Variants in TOX2 observed in about 807,000 individuals in gnomAD.
TOX2 encodes the protein TOX high mobility group box family member 2.
A neutral mutation model predicts 47.4 loss-of-function variants in TOX2; 15 were observed. The observed-to-expected ratio is 0.32, with a 90% CI of 0.21 to 0.49. The LOEUF (loss-of-function observed/expected upper bound fraction) is 0.49, where lower values mean the gene tolerates loss of function less well. Ranked by LOEUF, TOX2 falls within the 20% of genes least tolerant of loss-of-function variation. TOX2 has a pLI of 0.99. For missense variants in TOX2, 622 were observed against 673.1 expected (o/e 0.92, Z 0.84); for synonymous variants, 290 against 296.6 (o/e 0.98, Z 0.23).
At chr20:44,005,099 A>G (rs182244783) in intron 2 of TOX2, among the ~76,000 whole-genome samples, 9 of 152,384 alleles carry the variant, frequency 5.9e-5, no homozygotes, top group African/African-American at 1.9e-4. Flanking sequence ...CATTTAAAAA[A>G]TGAAAGAAAA....
chr20:44,023,772 G>C (rs1472247625), intron 3 of TOX2, among the ~76,000 whole-genome samples: 4 of 152,262 alleles, frequency 2.6e-5, no homozygotes, highest in African/African-American at 9.6e-5. Context: ...TTGGTGGCCA[G>C]CACAGTCCAT....
At position 44,064,784 on chromosome 20, in the gene TOX2, A is replaced by G; in HGVS notation, c.887A>G (p.Lys296Arg). ...SLGEEQKQAYKRKTEAAKKEY... is the reference protein window; with the variant it reads ...SLGEEQKQAYRRKTEAAKKEY... ...ATGTGTTGACTCTTCCAGGCCTACAAGAGGAAGACAGAAGCAGCAAAGAAG... is the reference window on the plus strand; with the variant it reads ...ATGTGTTGACTCTTCCAGGCCTACAGGAGGAAGACAGAAGCAGCAAAGAAG... The change falls in exon 6 of 9, where the codon AAG (lysine) becomes AGG (arginine). Residue 296 changes from lysine (K) to arginine (R), a missense_variant. Transcript: ENST00000341197. 6.2e-7 allele frequency: 1 copy of G among 1,614,152 alleles called. No homozygotes were observed. The highest frequency in any genetic ancestry group is 8.5e-7 in the Non-Finnish European group (1 of 1,180,010).
chr20:44,039,043 C>G, intron 3 of TOX2: 1 of 1,250,900 alleles, frequency 8.0e-7, no homozygotes, highest in Non-Finnish European at 1.0e-6. Context: ...TCACTTGGTT[C>G]CCAGACATCT....
chr20:43,932,613 G>A (rs1218568087), intron 1 of TOX2, among the ~76,000 whole-genome samples: 1 of 152,176 alleles, frequency 6.6e-6, no homozygotes, highest in East Asian at 1.9e-4. Context: ...GCAGCCTTTG[G>A]GGCTGGCCCT....
Position 44,068,829 on chromosome 20 carries a change from C to A in TOX2, c.*143C>A. 8.7e-7 allele frequency: 1 copy of A among 1,147,838 alleles called. No homozygotes were observed. The highest frequency in any genetic ancestry group is 1.3e-6 in the Non-Finnish European group (1 of 779,292). 71.1% of individuals were successfully genotyped at this position (1,147,838 alleles called of 1,614,324 possible). A position where few individuals can be genotyped will look rare whatever the true frequency, so the allele number is the denominator to read the frequency against. On this transcript the variant is annotated 3_prime_UTR_variant, in exon 9 of 9. Transcript: ENST00000341197. ...CACACCCATTGCCCGGGGGCTGAGT[C>A]TCTTCCTCAACCTCCCACCAGACTC...
chr20:43,939,902 C>T (rs6017222), intron 1 of TOX2, among the ~76,000 whole-genome samples: 2,651 of 152,262 alleles, frequency 0.017, 88 homozygotes, highest in African/African-American at 0.06. Context: ...GCTGAGTGAC[C>T]ACAGGGATAT....
At chr20:43,959,997 C>T (rs952040991) in intron 1 of TOX2, among the ~76,000 whole-genome samples, 1 of 152,168 alleles carries the variant, frequency 6.6e-6, no homozygotes, top group Non-Finnish European at 1.5e-5. Context: ...TTCATTCCAC[C>T]CCTTCCTAGC....
chr20:44,010,475 C>T (rs1313483266), intron 3 of TOX2, among the ~76,000 whole-genome samples: 1 of 152,176 alleles, frequency 6.6e-6, no homozygotes, highest in African/African-American at 2.4e-5. Context: ...CTCTATTACC[C>T]AGGGGAGGGC....
rs189059096 is a variant in TOX2 at position 43,994,172 on chromosome 20, A to G, written c.166-12375A>G. 4.5e-4 allele frequency among the ~76,000 whole-genome samples: 69 copies of G among 151,938 alleles called. No homozygotes were observed. In the East Asian group the frequency reaches 7.4e-3, roughly 16 times the overall value. On this transcript the variant is annotated intron_variant, in intron 2 of 8. Transcript: ENST00000341197. ...TCTCGAAAAAGAAAATTCAATTAAA[A>G]AAACAAAAACAGTTTGGCACGGTGG...
intron 5 of TOX2, among the ~76,000 whole-genome samples, chr20:44,061,598 G>T (rs905511124): frequency 1.3e-5 from 2 of 151,074 alleles, no homozygotes; most frequent in African/African-American, 4.9e-5. Flanking sequence ...ATTCAACAGA[G>T]TACTGGAATT....
chr20:43,981,898 G>A (rs1311436471), intron 2 of TOX2, among the ~76,000 whole-genome samples: 2 of 151,886 alleles, frequency 1.3e-5, no homozygotes, highest in South Asian at 2.1e-4. Flanking sequence ...GGCCAGGGCC[G>A]AGCTCAATGA....
At chr20:43,993,261 T>C (rs2070404060) in intron 2 of TOX2, among the ~76,000 whole-genome samples, 1 of 152,126 alleles carries the variant, frequency 6.6e-6, no homozygotes, top group South Asian at 2.1e-4. Context: ...GTGTGGAACC[T>C]CTACCCTGGC....
intron 3 of TOX2, among the ~76,000 whole-genome samples, chr20:44,022,979 GGAGA>G (rs982106703): frequency 2.6e-5 from 4 of 151,446 alleles, no homozygotes; most frequent in African/African-American, 9.7e-5. Flanking sequence ...ATATGTAAGA[GGAGA>G]GAGAGAGGGA....
intron 4 of TOX2, among the ~76,000 whole-genome samples, 168 bp from the exon 5 acceptor site, chr20:44,054,131 C>T (rs1437604322): frequency 6.6e-6 from 1 of 152,016 alleles, no homozygotes; most frequent in Non-Finnish European, 1.5e-5. Flanking sequence ...GTTAAACACC[C>T]ACCCAGGGTG....
At chr20:43,974,277 G>A (rs1179037237) in intron 2 of TOX2, among the ~76,000 whole-genome samples, 1 of 152,016 alleles carries the variant, frequency 6.6e-6, no homozygotes, top group Non-Finnish European at 1.5e-5. Context: ...TGATGCAAGG[G>A]TGGGTCCTCA....
chr20:43,934,798 TTGTGTGTGTG>T (rs148972789), intron 1 of TOX2, among the ~76,000 whole-genome samples: 5 of 147,748 alleles, frequency 3.4e-5, no homozygotes, highest in Non-Finnish European at 6.0e-5. Flanking sequence ...GTGTGTGTGT[TTGTGTGTGTG>T]TGTGTGTGTG....
chr20:44,054,807 A>G (rs76910499), intron 5 of TOX2, among the ~76,000 whole-genome samples: 1 of 152,194 alleles, frequency 6.6e-6, no homozygotes, highest in Non-Finnish European at 1.5e-5. Context: ...GAGAACAAGC[A>G]TCTCCATCCA....
At chr20:43,982,003 G>C (rs1419876598) in intron 2 of TOX2, among the ~76,000 whole-genome samples, 1 of 151,952 alleles carries the variant, frequency 6.6e-6, no homozygotes, top group Non-Finnish European at 1.5e-5. Context: ...TCAGGAGAGA[G>C]GGTGAAGCTC....
At chr20:43,992,768 C>T (rs1600716389) in intron 2 of TOX2, among the ~76,000 whole-genome samples, 2 of 139,186 alleles carry the variant, frequency 1.4e-5, no homozygotes, top group South Asian at 2.2e-4. Context: ...ATGTAACATG[C>T]AAACACATAG....
Sources: gnomAD v4.1 joint callset for allele counts (sites outside exome capture counted in the v4.1 genomes callset) on GRCh38, gnomAD v4.1.1 for gene constraint, MANE v1.5 for transcripts, NCBI Gene and HGNC (gene_info 2026-07-23, HGNC 2026-07-21) for gene names.